Variants in NNMT observed in about 807,000 individuals in gnomAD.
NNMT encodes the protein nicotinamide N-methyltransferase.
Under a neutral mutation model 11.7 loss-of-function variants are expected in NNMT, and 10 were observed. The observed-to-expected ratio is 0.85, with a 90% CI of 0.53 to 1.45. The LOEUF (loss-of-function observed/expected upper bound fraction) is 1.45. Among genes scored for constraint, NNMT ranks in the 40% most tolerant of loss-of-function variants. The pLI is 0.00. For synonymous variants in NNMT, 143 were observed against 133.8 expected (o/e 1.07, Z -0.48); for missense variants, 381 against 319.4 (o/e 1.19, Z -1.47).
chr11:114,301,793 G>A lies in NNMT; in HGVS notation c.362+3635G>A, dbSNP rs572241949. ...TGGGTGATAATGGTATGCCAATGTA[G>A]GCCTTCTGCTTGATTTTGCGGTGAA... On this transcript the variant is annotated intron_variant, in intron 2 of 2. Transcript: ENST00000299964. 4.6e-5 allele frequency among the ~76,000 whole-genome samples: 7 copies of A among 151,750 alleles called. No individual in the cohort carries two copies. The South Asian group carries it at 1.5e-3, about 32-fold the overall frequency.
At chr11:114,302,145 T>C (rs1480532854) in intron 2 of NNMT, among the ~76,000 whole-genome samples, 1 of 152,186 alleles carries the variant, frequency 6.6e-6, no homozygotes, top group Non-Finnish European at 1.5e-5. Context: ...CATTTACATT[T>C]AATGTAATTA....
intron 2 of NNMT, among the ~76,000 whole-genome samples, chr11:114,300,009 C>T (rs1945422401): frequency 6.6e-6 from 1 of 151,936 alleles, no homozygotes. Context: ...TTTTCTATTT[C>T]ATTGCTTTCT....
rs1945563774 is a variant in NNMT at position 114,312,538 on chromosome 11, T to C, written c.*61T>C. 2 of 1,510,808 alleles carry C rather than the reference T, an allele frequency of 1.3e-6. No individual in the cohort carries two copies. The highest frequency in any genetic ancestry group is 1.8e-6 in the Non-Finnish European group (2 of 1,111,354). The allele number at this position is 1,510,808 out of a possible 1,614,324, so 93.6% of individuals were successfully genotyped here. On this transcript the variant is annotated 3_prime_UTR_variant, in exon 3 of 3. Transcript: ENST00000299964. ...TGTCCAGTTGACTTTAGTCCTTGTT[T>C]CTAACTGCCAAGTCATGTGCTGAGT...
intron 2 of NNMT, among the ~76,000 whole-genome samples, chr11:114,271,351 C>T (rs977959411): frequency 6.6e-6 from 1 of 152,160 alleles, no homozygotes; most frequent in Non-Finnish European, 1.5e-5. Flanking sequence ...GGAAAAGTGT[C>T]AGCCCTCGTG....
At chr11:114,263,696 C>T (rs879785928) in intron 2 of NNMT, among the ~76,000 whole-genome samples, 8 of 152,176 alleles carry the variant, frequency 5.3e-5, no homozygotes, top group Non-Finnish European at 8.8e-5. Context: ...TTAAAAGTCC[C>T]GAATTTCTGC....
intron 2 of NNMT, among the ~76,000 whole-genome samples, chr11:114,308,401 C>G (rs1421059871): frequency 6.6e-6 from 1 of 152,112 alleles, no homozygotes; most frequent in Non-Finnish European, 1.5e-5. Context: ...GCCAGCCTTG[C>G]TGAGACAGGG....
At chr11:114,287,724 C>CTT (rs1387281072) in intron 2 of NNMT, among the ~76,000 whole-genome samples, 1 of 152,140 alleles carries the variant, frequency 6.6e-6, no homozygotes, top group African/African-American at 2.4e-5. Context: ...ACTCTTGGCC[C>CTT]TTGGCACTGT....
intron 2 of NNMT, among the ~76,000 whole-genome samples, chr11:114,269,312 C>T (rs1410215979): frequency 6.6e-6 from 1 of 152,164 alleles, no homozygotes; most frequent in Non-Finnish European, 1.5e-5. Flanking sequence ...TACCTTAATC[C>T]ATTGTGTTCT....
At chr11:114,271,796 C>T (rs1232656716) in intron 2 of NNMT, among the ~76,000 whole-genome samples, 3 of 152,192 alleles carry the variant, frequency 2.0e-5, no homozygotes, top group Non-Finnish European at 4.4e-5. Context: ...TAGTATCTCA[C>T]AGCTCCTGGG....
At chr11:114,304,753 G>T (rs952699975) in intron 2 of NNMT, among the ~76,000 whole-genome samples, 1 of 152,168 alleles carries the variant, frequency 6.6e-6, no homozygotes, top group Non-Finnish European at 1.5e-5. Flanking sequence ...GAGGAGAGAG[G>T]ATCACTTGAG....
intron 2 of NNMT, among the ~76,000 whole-genome samples, chr11:114,300,086 A>AT (rs1245818339): frequency 6.6e-6 from 1 of 150,508 alleles, no homozygotes; most frequent in Non-Finnish European, 1.5e-5. Flanking sequence ...AGTTTACTTT[A>AT]TTTTTTTCTA....
At chr11:114,284,447 T>G (rs1565722625) in intron 2 of NNMT, among the ~76,000 whole-genome samples, 2 of 152,152 alleles carry the variant, frequency 1.3e-5, no homozygotes, top group South Asian at 2.1e-4. Context: ...ACATGGTTTT[T>G]TTTGTTTGTT....
At chr11:114,261,012 A>T (rs948568426) in intron 1 of NNMT, among the ~76,000 whole-genome samples, 10 of 152,210 alleles carry the variant, frequency 6.6e-5, no homozygotes, top group African/African-American at 2.2e-4. Context: ...CAACTAGAGT[A>T]ACGACGTGAA....
intron 1 of NNMT, among the ~76,000 whole-genome samples, chr11:114,261,757 A>G (rs2135239610): frequency 6.6e-6 from 1 of 152,298 alleles, no homozygotes; most frequent in African/African-American, 2.4e-5. Flanking sequence ...GGGCCTTTCC[A>G]GAAGTCTTCC....
chr11:114,312,518 A>G lies in NNMT; in HGVS notation c.*41A>G, dbSNP rs1490350267. Reference sequence around the variant, plus strand: ...TTAAAGCAATTCCTTTGACCTGTCCAGTTGACTTTAGTCCTTGTTTCTAAC... The same window carrying G: ...TTAAAGCAATTCCTTTGACCTGTCCGGTTGACTTTAGTCCTTGTTTCTAAC... On this transcript the variant is annotated 3_prime_UTR_variant, in exon 3 of 3. Coordinates refer to ENST00000299964, the MANE Select transcript of NNMT (RefSeq NM_006169.3). The G allele has an allele frequency of 6.4e-7, 1 of 1,566,650 alleles. No homozygotes were observed. Among genetic ancestry groups the G allele is most frequent in the South Asian group, 1.2e-5 (1 of 86,424 alleles).
intron 2 of NNMT, among the ~76,000 whole-genome samples, chr11:114,300,511 G>A (rs543475073): frequency 6.6e-6 from 1 of 152,270 alleles, no homozygotes; most frequent in East Asian, 1.9e-4. Flanking sequence ...TGTAGATATA[G>A]TTTCTATAAA....
At chr11:114,297,446 T>G (rs1438974447) in intron 1 of NNMT, 1 of 151,906 alleles carries the variant, frequency 6.6e-6, no homozygotes, top group Non-Finnish European at 1.5e-5. Context: ...TTTGTCACTA[T>G]GATGTAAATT....
chr11:114,259,214 A>C (rs1945054556), intron 1 of NNMT, among the ~76,000 whole-genome samples: 1 of 152,162 alleles, frequency 6.6e-6, no homozygotes, highest in Non-Finnish European at 1.5e-5. Context: ...AGAAGGAGGG[A>C]AACAGAGAGG....
intron 2 of NNMT, among the ~76,000 whole-genome samples, chr11:114,273,790 A>G (rs1464884276): frequency 6.6e-6 from 1 of 152,122 alleles, no homozygotes; most frequent in African/African-American, 2.4e-5. Context: ...CAGTGAGCTG[A>G]GATCGCTCCA....
Sources: gnomAD v4.1 joint callset for allele counts (sites outside exome capture counted in the v4.1 genomes callset) on GRCh38, gnomAD v4.1.1 for gene constraint, MANE v1.5 for transcripts, NCBI Gene and HGNC (gene_info 2026-07-23, HGNC 2026-07-21) for gene names.